Variants in TSPAN5 observed in about 807,000 individuals in gnomAD.
The protein encoded by TSPAN5 is tetraspanin-5.
A neutral mutation model predicts 37.1 loss-of-function variants in TSPAN5; 10 were observed. That is an observed-to-expected ratio of 0.27 (90% CI 0.17 to 0.46). The LOEUF (loss-of-function observed/expected upper bound fraction) is 0.46. Among genes scored for constraint, TSPAN5 ranks in the 20% least tolerant of loss-of-function variants. The probability of loss-of-function intolerance (pLI) is 1.00; values close to 1 mark genes in which losing one functional copy is unlikely to be tolerated. For missense variants in TSPAN5, 195 were observed against 326.6 expected, an observed-to-expected ratio of 0.60 and a Z score of 3.11; for synonymous variants, 110 against 118.9, an observed-to-expected ratio of 0.93 and a Z score of 0.48.
chr4:98,497,119 G>A (rs1300278904), intron 2 of TSPAN5, among the ~76,000 whole-genome samples: 2 of 152,044 alleles, frequency 1.3e-5, no homozygotes, highest in Non-Finnish European at 2.9e-5. Context: ...GAGGTCAGGA[G>A]TTTGAGACCA....
intron 1 of TSPAN5, among the ~76,000 whole-genome samples, chr4:98,537,799 T>G (rs1754270293): frequency 6.6e-6 from 1 of 152,226 alleles, no homozygotes; most frequent in Non-Finnish European, 1.5e-5. Flanking sequence ...CACACCCCTC[T>G]GCACCTAAAT....
chr4:98,517,424 G>A (rs951907469), intron 1 of TSPAN5, among the ~76,000 whole-genome samples: 2 of 152,244 alleles, frequency 1.3e-5, no homozygotes, highest in East Asian at 3.9e-4. Context: ...TGAGGCAGGG[G>A]AGGAGGTCTA....
At chr4:98,648,193 C>A (rs1002846485) in intron 1 of TSPAN5, among the ~76,000 whole-genome samples, 2 of 152,166 alleles carry the variant, frequency 1.3e-5, no homozygotes, top group African/African-American at 4.8e-5. Flanking sequence ...CCCTCCACAG[C>A]ATTACAGCAG....
At chr4:98,632,899 G>A (rs533805619) in intron 1 of TSPAN5, among the ~76,000 whole-genome samples, 40 of 152,306 alleles carry the variant, frequency 2.6e-4, no homozygotes, top group African/African-American at 8.2e-4. Flanking sequence ...AAAAGCAGCA[G>A]AAGCTGTGGA....
chr4:98,606,978 C>T (rs958923302), intron 1 of TSPAN5, among the ~76,000 whole-genome samples: 6 of 152,220 alleles, frequency 3.9e-5, no homozygotes, highest in Admixed American at 6.5e-5. Flanking sequence ...CTCAGCTCAA[C>T]TCCCCATAGT....
intron 1 of TSPAN5, among the ~76,000 whole-genome samples, chr4:98,592,500 T>C (rs1225397570): frequency 6.8e-6 from 1 of 145,998 alleles, no homozygotes; most frequent in Non-Finnish European, 1.5e-5. Flanking sequence ...GTTAGTTACA[T>C]ATGTATACAT....
intron 1 of TSPAN5, among the ~76,000 whole-genome samples, chr4:98,621,479 T>C (rs1304368593): frequency 6.6e-6 from 1 of 150,632 alleles, no homozygotes; most frequent in Non-Finnish European, 1.5e-5. Context: ...ACCATCCTCC[T>C]GCCTCAGCCT....
At chr4:98,582,588 A>G (rs1003513006) in intron 1 of TSPAN5, among the ~76,000 whole-genome samples, 1 of 152,208 alleles carries the variant, frequency 6.6e-6, no homozygotes, top group African/African-American at 2.4e-5. Context: ...CTGTGATCTA[A>G]ACACTAGACT....
At chr4:98,507,621 T>C (rs1445640325) in intron 2 of TSPAN5, 57 bp downstream of exon 2, 4 of 1,309,556 alleles carry the variant, frequency 3.1e-6, no homozygotes, top group African/African-American at 1.5e-5. Context: ...TAATACATAA[T>C]ATGATGTGCA....
intron 1 of TSPAN5, among the ~76,000 whole-genome samples, chr4:98,570,930 G>A (rs1755104197): frequency 6.6e-6 from 1 of 151,722 alleles, no homozygotes; most frequent in African/African-American, 2.4e-5. Flanking sequence ...GGCCTCTCAG[G>A]GTGCCTGAGA....
intron 1 of TSPAN5, among the ~76,000 whole-genome samples, chr4:98,575,357 C>T (rs746616825): frequency 3.7e-4 from 55 of 150,034 alleles, no homozygotes; most frequent in Admixed American, 1.6e-3. Context: ...AACAGGCTGG[C>T]GGGCTCTTTT....
chr4:98,522,843 T>G (rs1753884415), intron 1 of TSPAN5, among the ~76,000 whole-genome samples: 2 of 152,226 alleles, frequency 1.3e-5, no homozygotes, highest in Non-Finnish European at 2.9e-5. Flanking sequence ...TTATTCTGTA[T>G]GTTCAGCTCA....
At chr4:98,486,978 A>G (rs1003500174) in intron 2 of TSPAN5, 94 bp from the exon 3 acceptor site, 14 of 1,358,308 alleles carry the variant, frequency 1.0e-5, no homozygotes, top group Non-Finnish European at 1.4e-5. Context: ...TCCCCTCCCA[A>G]AGAAAACCTT....
chr4:98,486,635 G>A (rs769944450), intron 3 of TSPAN5, 103 bp downstream of exon 3: 1 of 1,377,304 alleles, frequency 7.3e-7, no homozygotes, highest in South Asian at 1.2e-5. Flanking sequence ...ACTTTGGCCA[G>A]TGCCTTTGGT....
chr4:98,508,525 T>TC (rs1753527145), intron 1 of TSPAN5, among the ~76,000 whole-genome samples: 1 of 147,852 alleles, frequency 6.8e-6, no homozygotes, highest in South Asian at 2.2e-4. Context: ...TGTTTTTCTT[T>TC]TTTTTTTTTT....
intron 3 of TSPAN5, among the ~76,000 whole-genome samples, chr4:98,485,872 A>G (rs912389924): frequency 1.3e-5 from 2 of 150,546 alleles, no homozygotes; most frequent in African/African-American, 4.9e-5. Flanking sequence ...ACTGTTCTCT[A>G]GAAATCTCCA....
intron 1 of TSPAN5, among the ~76,000 whole-genome samples, chr4:98,587,864 G>A (rs1755531251): frequency 6.6e-6 from 1 of 151,838 alleles, no homozygotes; most frequent in Non-Finnish European, 1.5e-5. Flanking sequence ...ACTCCAGCCT[G>A]GTGACAGAAC....
intron 1 of TSPAN5, among the ~76,000 whole-genome samples, chr4:98,613,136 C>CTT (rs11308204): frequency 5.6e-5 from 8 of 143,382 alleles, no homozygotes; most frequent in East Asian, 2.1e-4. Context: ...AGGGCAAAAC[C>CTT]TTTTTTTTTT....
intron 1 of TSPAN5, among the ~76,000 whole-genome samples, chr4:98,512,222 G>GAA (rs138647609): frequency 4.1e-5 from 6 of 146,390 alleles, no homozygotes; most frequent in African/African-American, 1.3e-4. Context: ...AAACAAAAAA[G>GAA]AAAAAAAAAA....
Sources: gnomAD v4.1 joint callset for allele counts (sites outside exome capture counted in the v4.1 genomes callset) on GRCh38, gnomAD v4.1.1 for gene constraint, MANE v1.5 for transcripts, NCBI Gene and HGNC (gene_info 2026-07-23, HGNC 2026-07-21) for gene names.